The following TEAD1 variants were observed in gnomAD, a reference collection of about 807,000 sequenced individuals.
The protein encoded by TEAD1 is transcriptional enhancer factor TEF-1.
Under a neutral mutation model 54.9 loss-of-function variants are expected in TEAD1, and 9 were observed. That is an observed-to-expected ratio of 0.16 (90% CI 0.10 to 0.29). The LOEUF (loss-of-function observed/expected upper bound fraction) is 0.29, where lower values mean the gene tolerates loss of function less well. Ranked by LOEUF, TEAD1 falls within the 10% of genes least tolerant of loss-of-function variation. The pLI is 1.00. For missense variants in TEAD1, 387 were observed against 535.9 expected (o/e 0.72, Z 2.74); for synonymous variants, 200 against 187.8 (o/e 1.07, Z -0.53).
At chr11:12,745,472 T>G (rs1944728478) in intron 2 of TEAD1, among the ~76,000 whole-genome samples, 1 of 152,134 alleles carries the variant, frequency 6.6e-6, no homozygotes, top group Non-Finnish European at 1.5e-5. Flanking sequence ...TTTGATCAAT[T>G]TGATTGGGAG....
At chr11:12,702,816 T>G (rs1943731953) in intron 2 of TEAD1, among the ~76,000 whole-genome samples, 1 of 152,222 alleles carries the variant, frequency 6.6e-6, no homozygotes, top group Middle Eastern at 3.2e-3. Context: ...ACCATCATTA[T>G]CCGATAATGC....
intron 3 of TEAD1, among the ~76,000 whole-genome samples, chr11:12,773,546 T>C (rs1945355733): frequency 6.6e-6 from 1 of 152,260 alleles, no homozygotes; most frequent in African/African-American, 2.4e-5. Context: ...ATGTGCTTAT[T>C]TGCCATCTGT....
At chr11:12,798,263 CA>C (rs1255755814) in intron 3 of TEAD1, among the ~76,000 whole-genome samples, 1 of 152,180 alleles carries the variant, frequency 6.6e-6, no homozygotes, top group Admixed American at 6.5e-5. Context: ...CTTCCAGTTC[CA>C]CCCCCATCAG....
intron 3 of TEAD1, among the ~76,000 whole-genome samples, chr11:12,854,963 G>T (rs185446658): frequency 1.3e-5 from 2 of 152,288 alleles, no homozygotes; most frequent in East Asian, 3.9e-4. Context: ...CACAGTCCAT[G>T]TGTGACCAGT....
chr11:12,879,515 G>A, intron 5 of TEAD1, 193 bp from the exon 6 acceptor site: 2 of 723,892 alleles, frequency 2.8e-6, no homozygotes, highest in East Asian at 5.4e-5. Flanking sequence ...GGTCTTCCCA[G>A]TAAATGTTGA....
intron 3 of TEAD1, among the ~76,000 whole-genome samples, chr11:12,823,970 G>A (rs1465565022): frequency 5.3e-5 from 8 of 152,040 alleles, no homozygotes; most frequent in African/African-American, 1.9e-4. Context: ...TTCTAATTTT[G>A]GGGGAGACTA....
chr11:12,812,042 C>T (rs1429157519), intron 3 of TEAD1, among the ~76,000 whole-genome samples: 1 of 152,146 alleles, frequency 6.6e-6, no homozygotes, highest in Non-Finnish European at 1.5e-5. Context: ...CCTATACTGA[C>T]ACACACCTGC....
At chr11:12,705,290 T>A (rs1943789969) in intron 2 of TEAD1, among the ~76,000 whole-genome samples, 1 of 152,252 alleles carries the variant, frequency 6.6e-6, no homozygotes, top group African/African-American at 2.4e-5. Context: ...CCTAGAATTT[T>A]GCCACCAAGT....
intron 10 of TEAD1, among the ~76,000 whole-genome samples, chr11:12,905,633 G>A (rs1042844566): frequency 6.6e-6 from 1 of 152,180 alleles, no homozygotes; most frequent in African/African-American, 2.4e-5. Flanking sequence ...CTTCCAGTGG[G>A]TGTTTCCGAA....
rs553657889 is a variant in TEAD1, at chr11:12,745,632, G to C, written c.-54-18547G>C. 2.1e-5 allele frequency among the ~76,000 whole-genome samples: 3 copies of C among 140,538 alleles called. No homozygotes were observed. In the South Asian group the frequency reaches 6.6e-4, roughly 31 times the overall value. The allele number at this position is 140,538 out of a possible 152,430, so 92.2% of individuals were successfully genotyped here. ...ACTGTTTGCAGTGGAGTCTTGTTCA[G>C]AATACGGCTGTGTCTTATAATACGT... On this transcript the variant is annotated intron_variant, in intron 2 of 12. Transcript: ENST00000527636.
chr11:12,742,117 T>C (rs1204088744), intron 2 of TEAD1, among the ~76,000 whole-genome samples: 1 of 152,222 alleles, frequency 6.6e-6, no homozygotes, highest in Non-Finnish European at 1.5e-5. Context: ...CATGACTGTT[T>C]TAAGAGGTCT....
chr11:12,682,485 T>G (rs552303792), intron 2 of TEAD1, among the ~76,000 whole-genome samples: 1 of 152,192 alleles, frequency 6.6e-6, no homozygotes, highest in African/African-American at 2.4e-5. Flanking sequence ...GTAGCAGGGA[T>G]GCTCCTAGAG....
intron 2 of TEAD1, among the ~76,000 whole-genome samples, chr11:12,733,507 A>G (rs187335803): frequency 1.9e-3 from 282 of 152,278 alleles, no homozygotes; most frequent in African/African-American, 6.4e-3. Flanking sequence ...GCTCTGTCCC[A>G]GTGGCCTTGG....
At chr11:12,889,315 G>A (rs1948150732) in intron 9 of TEAD1, among the ~76,000 whole-genome samples, 1 of 152,170 alleles carries the variant, frequency 6.6e-6, no homozygotes, top group Non-Finnish European at 1.5e-5. Flanking sequence ...GCTGAATCCT[G>A]AAAGTACACA....
At chr11:12,732,464 G>C (rs115875715) in intron 2 of TEAD1, among the ~76,000 whole-genome samples, 10 of 152,274 alleles carry the variant, frequency 6.6e-5, no homozygotes, top group Admixed American at 5.9e-4. Flanking sequence ...GCTTGGTGGT[G>C]GTGGGTATCA....
At chr11:12,893,706 G>A (rs1242203839) in intron 9 of TEAD1, among the ~76,000 whole-genome samples, 2 of 152,124 alleles carry the variant, frequency 1.3e-5, no homozygotes, top group Non-Finnish European at 2.9e-5. Flanking sequence ...TGGGAAGGAT[G>A]CATCTCGGTG....
intron 2 of TEAD1, among the ~76,000 whole-genome samples, chr11:12,703,636 G>A (rs924879704): frequency 1.3e-5 from 2 of 152,104 alleles, no homozygotes; most frequent in African/African-American, 4.8e-5. Context: ...GAGCCCTTGC[G>A]GGATACAGGC....
chr11:12,844,194 A>C (rs1466053867), intron 3 of TEAD1, among the ~76,000 whole-genome samples: 2 of 152,200 alleles, frequency 1.3e-5, no homozygotes, highest in Admixed American at 6.5e-5. Context: ...AAATGTAAAT[A>C]ATTTAGTTAC....
intron 5 of TEAD1, among the ~76,000 whole-genome samples, chr11:12,868,769 T>A (rs1177720399): frequency 6.6e-6 from 1 of 152,228 alleles, no homozygotes. Flanking sequence ...AGAACCTAAG[T>A]GTGTTCTAGG....
Sources: allele counts gnomAD v4.1 joint callset (sites outside exome capture counted in the v4.1 genomes callset), GRCh38; gene constraint gnomAD v4.1.1; transcripts MANE v1.5; gene names NCBI Gene and HGNC (gene_info 2026-07-23, HGNC 2026-07-21).